Variants in ZNF534 observed in about 807,000 individuals in gnomAD.
ZNF534 encodes zinc finger protein 534, also known as KRAB domain only 3.
ZNF534 carries 19 observed loss-of-function variants against 13.6 expected under a neutral mutation model. The observed-to-expected ratio is 1.40, with a 90% CI of 0.97 to 2.05. ZNF534 has a LOEUF of 2.05. ZNF534 is among the 30% of genes most tolerant of loss of function. The probability of loss-of-function intolerance (pLI) is 0.00; values close to 1 mark genes in which losing one functional copy is unlikely to be tolerated. For missense variants in ZNF534, 782 were observed against 796.3 expected, an observed-to-expected ratio of 0.98 and a Z score of 0.22; for synonymous variants, 244 against 273.8, an observed-to-expected ratio of 0.89 and a Z score of 1.07.
intron 4 of ZNF534, among the ~76,000 whole-genome samples, chr19:52,449,749 T>A (rs1379634508): frequency 1.3e-5 from 2 of 152,042 alleles, no homozygotes; most frequent in Admixed American, 6.6e-5. Context: ...TGGCCAGGTG[T>A]GGTGGCTCAC....
Position 52,438,582 on chromosome 19 carries a change from A to T in ZNF534, c.1122A>T (p.Lys374Asn). The T allele has an allele frequency of 1.3e-6, 2 of 1,586,096 alleles. No homozygotes were observed. Among genetic ancestry groups the T allele is most frequent in the Non-Finnish European group, 1.7e-6 (2 of 1,164,582 alleles). Residue 374 changes from lysine (K) to asparagine (N), a missense_variant, in exon 5 of 5, where the codon AAA becomes AAT. Coordinates refer to ENST00000433050, the MANE Select transcript of ZNF534 (RefSeq NM_001143938.3). ...TTGCATTCCTTGCAAGGCATCGGAA[A>T]GTTCATACTGGAGAGAAACCTTACA... ...SRIAFLARHR[K>N]VHTGEKPYKC...
rs572902310 is a variant in ZNF534 at position 52,440,555 on chromosome 19, C to T, written c.*1109C>T. On this transcript the variant is annotated 3_prime_UTR_variant, in exon 5 of 5. Transcript: ENST00000433050. Reference sequence around the variant, plus strand: ...CAGCACTTTGGGAGGCTGAGGCAGACGGATCAGTTGAGGTCAGGAGTTTGA... The same window carrying T: ...CAGCACTTTGGGAGGCTGAGGCAGATGGATCAGTTGAGGTCAGGAGTTTGA... Among the ~76,000 whole-genome samples, 271 of 151,994 alleles carry T rather than the reference C, an allele frequency of 1.8e-3. 1 individual carries two copies. Among genetic ancestry groups the T allele is most frequent in the Non-Finnish European group, 3.3e-3 (222 of 67,956 alleles).
chr19:52,430,909 G>A, intron 1 of ZNF534, among the ~76,000 whole-genome samples: 1 of 151,276 alleles, frequency 6.6e-6, no homozygotes. Flanking sequence ...GGAGTGCAAT[G>A]GTGCGATCTC....
chr19:52,439,875 C>T lies in ZNF534; in HGVS notation c.*429C>T, dbSNP rs1297075032. On this transcript the variant is annotated 3_prime_UTR_variant, in exon 5 of 5. Transcript: ENST00000433050. ...CCTGAGGTTAGAAGTTCGAGACCAG[C>T]CTGACCAACATGGAGAAACCCCATC... is the stretch of plus-strand genomic sequence containing the variant. 2.6e-5 allele frequency among the ~76,000 whole-genome samples: 4 copies of T among 152,004 alleles called. No individual in the cohort carries two copies. The highest frequency in any genetic ancestry group is 4.4e-5 in the Non-Finnish European group (3 of 68,024).
chr19:52,437,723 C>A lies in ZNF534; in HGVS notation c.272-9C>A, dbSNP rs772575671. 7 of 1,543,332 alleles carry A rather than the reference C, an allele frequency of 4.5e-6. No individual in the cohort carries two copies. In the East Asian group the frequency reaches 1.6e-4, roughly 35 times the overall value. On this transcript the variant is annotated splice_polypyrimidine_tract_variant and intron_variant, in intron 4 of 4. Coordinates refer to ENST00000433050, the MANE Select transcript of ZNF534 (RefSeq NM_001143938.3). Reference sequence around the variant, plus strand: ...GGGATTAAGTTCTAAAATTTTCTTGCTTTTCTAGAGAAGAGTTCTAAATTG... The same window carrying A: ...GGGATTAAGTTCTAAAATTTTCTTGATTTTCTAGAGAAGAGTTCTAAATTG...
downstream of ZNF534, among the ~76,000 whole-genome samples, chr19:52,443,733 T>C (rs1233724218): frequency 1.5e-5 from 2 of 130,258 alleles, no homozygotes; most frequent in Admixed American, 1.7e-4. Flanking sequence ...CTGGGTGATG[T>C]AGTGAGACTC....
downstream of ZNF534, among the ~76,000 whole-genome samples, chr19:52,445,171 C>T (rs920571045): frequency 2.7e-5 from 4 of 149,360 alleles, no homozygotes; most frequent in Admixed American, 6.8e-5. Context: ...GAGCTTTTCC[C>T]GCTACCCTTG....
At chr19:52,434,102 G>A (rs1271347688) in intron 3 of ZNF534, 21 bp downstream of exon 3, 3 of 1,609,594 alleles carry the variant, frequency 1.9e-6, no homozygotes, top group Non-Finnish European at 2.5e-6. Context: ...TGTCCGTCCA[G>A]AAGCCTGCAT....
rs1368038864 is a variant in ZNF534 at position 52,438,469 on chromosome 19, C to T, written c.1009C>T (p.His337Tyr). The change falls in exon 5 of 5, where the codon CAT becomes TAT. Residue 337 changes from histidine to tyrosine, a missense_variant. Physicochemically the swap from His to Tyr is moderately conservative, Grantham distance 83. Coordinates refer to ENST00000433050, the MANE Select transcript of ZNF534 (RefSeq NM_001143938.3). The stretch of plus-strand genomic sequence containing the variant: ...TAAGGAATGTGGCAAGGTCTTCAGG[C>T]ATAAGTCTTCCCTAACCACTCATCA... ...DCKECGKVFR[H>Y]KSSLTTHQTV... The T allele has an allele frequency of 4.4e-6, 7 of 1,601,716 alleles. No homozygotes were observed. In the African/African-American group the frequency reaches 6.7e-5, roughly 15 times the overall value.
At chr19:52,447,703 CAT>C (rs1387210575) in intron 4 of ZNF534, among the ~76,000 whole-genome samples, 1 of 151,794 alleles carries the variant, frequency 6.6e-6, no homozygotes, top group East Asian at 1.9e-4. Context: ...TTTTTCTTCT[CAT>C]AACGCAGTGT....
chr19:52,429,597 T>C (rs1025594489), intron 1 of ZNF534, among the ~76,000 whole-genome samples: 3 of 141,230 alleles, frequency 2.1e-5, no homozygotes, highest in Non-Finnish European at 4.4e-5. Context: ...ATAGTCTTTT[T>C]TTTTTTTTTT....
At chr19:52,434,777 G>A (rs2059117947) in intron 3 of ZNF534, among the ~76,000 whole-genome samples, 1 of 150,966 alleles carries the variant, frequency 6.6e-6, no homozygotes, top group Non-Finnish European at 1.5e-5. Context: ...CAGATATTCT[G>A]CTTCCTTCAT....
In ZNF534 at chr19:52,439,282, T is replaced by G. The variant is rs138409078; in HGVS notation, c.1822T>G (p.Cys608Gly). ...TCATACTGGAGAGAAGCTTTACAAA[T>G]GTAATGAATGTAGCAAGGTCTTCAG... ...KIHTGEKLYK[C>G]NECSKVFSRN... Residue 608 changes from cysteine (C) to glycine (G), a missense_variant, in exon 5 of 5, where the codon TGT (cysteine) becomes GGT (glycine). Physicochemically the swap from Cys to Gly is radical, Grantham distance 159. Around this residue, in one of 5 missense-constraint regions of ZNF534, gnomAD observed 20 missense variants for 43.6 expected, o/e 0.46. Coordinates refer to ENST00000433050, the MANE Select transcript of ZNF534 (RefSeq NM_001143938.3). 8,214 of 1,559,848 alleles carry G rather than the reference T, an allele frequency of 5.3e-3. 490 individuals are homozygous for G. In the African/African-American group the frequency reaches 0.1, roughly 20 times the overall value.
downstream of ZNF534, among the ~76,000 whole-genome samples, chr19:52,443,713 G>T (rs774480350): frequency 5.9e-5 from 9 of 151,282 alleles, no homozygotes; most frequent in Non-Finnish European, 7.4e-5. Context: ...TTGCGCCATT[G>T]CACTCCAGCC....
intron 2 of ZNF534, 35 bp from the exon 3 acceptor site, chr19:52,433,920 C>T: frequency 1.2e-6 from 2 of 1,612,508 alleles, no homozygotes; most frequent in Non-Finnish European, 1.7e-6. Flanking sequence ...GTACTCTCTC[C>T]ATACCCTGTT....
At position 52,438,737 on chromosome 19, in the gene ZNF534, C is replaced by A; in HGVS notation, c.1277C>A (p.Thr426Asn). 4 of 1,595,562 alleles carry A rather than the reference C, an allele frequency of 2.5e-6. No individual in the cohort carries two copies. Among genetic ancestry groups the A allele is most frequent in the Non-Finnish European group, 3.4e-6 (4 of 1,170,374 alleles). Residue 426 changes from threonine to asparagine, a missense_variant, in exon 5 of 5, where the codon ACT becomes AAT. Transcript: ENST00000433050. ...GKAFRTCSDL[T>N]AHLLIHTGEK... ...GCATTTAGAACGTGTTCAGATCTCA[C>A]TGCCCATCTTCTAATCCATACTGGA...
At chr19:52,451,267 G>C in exon 5 of ZNF534, 1 of 928,586 alleles carries the variant, frequency 1.1e-6, no homozygotes, top group Non-Finnish European at 1.7e-6. Flanking sequence ...GGAGCCAACC[G>C]GCCCAAACTT....
At chr19:52,430,609 G>A (rs2059080855) in intron 1 of ZNF534, among the ~76,000 whole-genome samples, 1 of 151,246 alleles carries the variant, frequency 6.6e-6, no homozygotes, top group African/African-American at 2.4e-5. Context: ...GGAGTGCAGT[G>A]TTAAAATCTT....
rs1896421219 is a variant in ZNF534, at chr19:52,435,174, CA to C, written c.237del (p.Asp80MetfsTer9). 1 of 1,612,542 alleles carries C rather than the reference CA, an allele frequency of 6.2e-7. No homozygotes were observed. The highest frequency in any genetic ancestry group is 8.5e-7 in the Non-Finnish European group (1 of 1,179,122). ...LQSEVKIINN[P>X]DGRECIKGVN... is the part of the protein sequence containing the mutation. ...AGTGAAGTGAAAATAATAAACAATC[CA>C]GATGGCAGGGAGTGCATCAAAGGTG... is the stretch of plus-strand genomic sequence containing the variant. On this transcript the variant is annotated frameshift_variant, in exon 4 of 5. Transcript: ENST00000433050. LOFTEE classifies it low-confidence loss of function (END_TRUNC).
Sources: gnomAD v4.1 joint callset for allele counts (sites outside exome capture counted in the v4.1 genomes callset) on GRCh38, gnomAD v4.1.1 for gene constraint, gnomAD v4.1.1 regional missense constraint, MANE v1.5 for transcripts, NCBI Gene and HGNC (gene_info 2026-07-23, HGNC 2026-07-21) for gene names.